The following RASSF2 variants were observed in gnomAD, a reference collection of about 807,000 sequenced individuals.
The protein encoded by RASSF2 is Ras association domain family member 2.
Under a neutral mutation model 46.3 loss-of-function variants are expected in RASSF2, and 34 were observed. The ratio of observed to expected loss-of-function variants is 0.73; its 90% CI spans 0.56 to 0.98. RASSF2 has a LOEUF of 0.98. Ranked by LOEUF, RASSF2 falls within the 50% of genes least tolerant of loss-of-function variation. The pLI is 0.00. For synonymous variants in RASSF2, 158 were observed against 162.5 expected, an observed-to-expected ratio of 0.97 and a Z score of 0.21; for missense variants, 364 against 431.2, an observed-to-expected ratio of 0.84 and a Z score of 1.38.
Position 4,801,040 on chromosome 20 carries a change from C to T in RASSF2, c.-10G>A. On this transcript the variant is annotated 5_prime_UTR_variant, in exon 3 of 12. Transcript: ENST00000379400. ...GGTGGCTGTAGTCCATTCTTCCTTT[C>T]TCTTTTCATCGGAAGGAGAGGCCTA... is the stretch of plus-strand genomic sequence containing the variant. The T allele has an allele frequency of 6.2e-7, 1 of 1,613,576 alleles. No individual in the cohort carries two copies. Among genetic ancestry groups the T allele is most frequent in the Non-Finnish European group, 8.5e-7 (1 of 1,179,444 alleles).
intron 2 of RASSF2, among the ~76,000 whole-genome samples, chr20:4,803,909 T>G (rs1927117548): frequency 6.6e-6 from 1 of 151,860 alleles, no homozygotes; most frequent in Non-Finnish European, 1.5e-5. Context: ...AAATAAAAAA[T>G]TAGCCAGATG....
At chr20:4,818,832 A>T (rs766060104) in intron 2 of RASSF2, among the ~76,000 whole-genome samples, 1 of 152,220 alleles carries the variant, frequency 6.6e-6, no homozygotes, top group African/African-American at 2.4e-5. Context: ...TAGCCAGCAA[A>T]TGGTTTTCTA....
rs761660041 is a variant in RASSF2 at position 4,792,530 on chromosome 20, C to T, written c.376+9G>A. 5 of 1,613,984 alleles carry T rather than the reference C, an allele frequency of 3.1e-6. No individual in the cohort carries two copies. The South Asian group carries it at 5.5e-5, about 18-fold the overall frequency. ...TCCCTAGCTGGAAGTACCTTCCACT[C>T]ACATGTACCTGTGGAGCTTGGCATC... On this transcript the variant is annotated intron_variant, in intron 6 of 11. Transcript: ENST00000379400.
At chr20:4,814,963 T>G (rs1450479081) in intron 2 of RASSF2, 1 of 152,186 alleles carries the variant, frequency 6.6e-6, no homozygotes, top group Non-Finnish European at 1.5e-5. Context: ...ATCAAACCTC[T>G]GTACACCCGG....
At chr20:4,810,140 A>C (rs1469280068) in intron 2 of RASSF2, among the ~76,000 whole-genome samples, 1 of 152,128 alleles carries the variant, frequency 6.6e-6, no homozygotes, top group East Asian at 1.9e-4. Context: ...ACAGCTGCCC[A>C]CTCAGGACCA....
At chr20:4,803,019 C>T (rs1429412868) in intron 2 of RASSF2, among the ~76,000 whole-genome samples, 2 of 151,604 alleles carry the variant, frequency 1.3e-5, no homozygotes, top group African/African-American at 4.9e-5. Flanking sequence ...AAGTGATCCT[C>T]CCACCTCAGC....
intron 4 of RASSF2, among the ~76,000 whole-genome samples, chr20:4,797,622 C>T (rs892683858): frequency 3.9e-5 from 6 of 152,120 alleles, no homozygotes; most frequent in Admixed American, 6.5e-5. Context: ...CAGGTCACTG[C>T]AGTGATAGGA....
chr20:4,785,834 C>G (rs184334247), intron 11 of RASSF2, among the ~76,000 whole-genome samples: 1 of 152,296 alleles, frequency 6.6e-6, no homozygotes, highest in African/African-American at 2.4e-5. Context: ...TTCAAACACC[C>G]GTCAAAGACC....
chr20:4,805,018 GCT>G (rs1231514599), intron 2 of RASSF2, among the ~76,000 whole-genome samples: 1 of 152,116 alleles, frequency 6.6e-6, no homozygotes, highest in Admixed American at 6.5e-5. Context: ...GCAACTCGGA[GCT>G]GTGCGAGATG....
intron 1 of RASSF2, among the ~76,000 whole-genome samples, chr20:4,823,102 C>A (rs1198828110): frequency 2.0e-5 from 3 of 152,154 alleles, no homozygotes; most frequent in African/African-American, 7.2e-5. Flanking sequence ...GGTCCGCGCG[C>A]CCCGGGAGCC....
chr20:4,812,791 T>C lies in RASSF2; in HGVS notation c.-33+9538A>G, dbSNP rs1317968410. On this transcript the variant is annotated intron_variant, in intron 2 of 11. Coordinates refer to ENST00000379400, the MANE Select transcript of RASSF2 (RefSeq NM_014737.3). This position sits in a 1 kb window ranked among gnomAD's most constrained non-coding sequence, Gnocchi z 4.0. ...AGAAGGTCTCAGAGGTTAGGTGGCT[T>C]GTCCCAGGTGGCACAGCCGACATGC... Among the ~76,000 whole-genome samples, 2 of 152,174 alleles carry C rather than the reference T, an allele frequency of 1.3e-5. No homozygotes were observed. The highest frequency in any genetic ancestry group is 2.9e-5 in the Non-Finnish European group (2 of 68,020).
In RASSF2 at chr20:4,781,216, G is replaced by C. The variant is rs1378967511; in HGVS notation, c.*3057C>G. On this transcript the variant is annotated 3_prime_UTR_variant, in exon 12 of 12. Coordinates refer to ENST00000379400, the MANE Select transcript of RASSF2 (RefSeq NM_014737.3). Reference sequence around the variant, plus strand: ...ACTTCTTGTTGAGACTTTTTTGCATGGAAAACAGATATTTTGGGGGGGGCA... The same window carrying C: ...ACTTCTTGTTGAGACTTTTTTGCATCGAAAACAGATATTTTGGGGGGGGCA... 1 of 114,818 alleles carries C rather than the reference G, an allele frequency of 8.7e-6. No individual in the cohort carries two copies. The highest frequency in any genetic ancestry group is 1.9e-5 in the Non-Finnish European group (1 of 52,084). 7.1% of individuals were successfully genotyped at this position (114,818 alleles called of 1,614,324 possible).
chr20:4,792,536 T>C lies in RASSF2; in HGVS notation c.376+3A>G. 6.2e-7 allele frequency: 1 copy of C among 1,614,094 alleles called. No individual in the cohort carries two copies. ...GCTGGAAGTACCTTCCACTCACATG[T>C]ACCTGTGGAGCTTGGCATCTGGTCA... On this transcript the variant is annotated splice_donor_region_variant and intron_variant, in intron 6 of 11. Coordinates refer to ENST00000379400, the MANE Select transcript of RASSF2 (RefSeq NM_014737.3).
chr20:4,804,151 G>A (rs1167563939), intron 2 of RASSF2, among the ~76,000 whole-genome samples: 1 of 151,952 alleles, frequency 6.6e-6, no homozygotes, highest in Admixed American at 6.6e-5. Flanking sequence ...GGTTACCATG[G>A]GTGATTCCAT....
chr20:4,804,681 T>C (rs1215597989), intron 2 of RASSF2, among the ~76,000 whole-genome samples: 1 of 152,216 alleles, frequency 6.6e-6, no homozygotes, highest in Non-Finnish European at 1.5e-5. Flanking sequence ...AACTAGTCAG[T>C]GTCCCTTTTT....
At chr20:4,784,881 G>C (rs1925170313) in intron 11 of RASSF2, among the ~76,000 whole-genome samples, 1 of 152,222 alleles carries the variant, frequency 6.6e-6, no homozygotes, top group South Asian at 2.1e-4. Context: ...GGCTTGGGGG[G>C]AGTTCTGTTT....
intron 2 of RASSF2, among the ~76,000 whole-genome samples, chr20:4,813,323 C>T (rs1332647642): frequency 1.3e-5 from 2 of 152,190 alleles, no homozygotes; most frequent in Non-Finnish European, 2.9e-5. Flanking sequence ...TACGAAGCCG[C>T]CACTCTTCTG....
chr20:4,814,855 T>A (rs1237153261), intron 2 of RASSF2, among the ~76,000 whole-genome samples: 1 of 151,998 alleles, frequency 6.6e-6, no homozygotes, highest in Non-Finnish European at 1.5e-5. Flanking sequence ...ATTCACAACC[T>A]CCTCTGTCTG....
Position 4,786,283 on chromosome 20 carries a change from T to C in RASSF2, c.859A>G (p.Ile287Val). 1 of 1,613,660 alleles carries C rather than the reference T, an allele frequency of 6.2e-7. No homozygotes were observed. Among genetic ancestry groups the C allele is most frequent in the Non-Finnish European group, 8.5e-7 (1 of 1,179,536 alleles). The change falls in exon 11 of 12, where the codon ATT (isoleucine) becomes GTT (valine). Residue 287 changes from isoleucine (I) to valine (V), a missense_variant. Physicochemically the swap from Ile to Val is conservative, Grantham distance 29. Coordinates refer to ENST00000379400, the MANE Select transcript of RASSF2 (RefSeq NM_014737.3). ...TCTTCTTCCTCCTGGAGCTTCTGAA[T>C]GAAGCTTTTAAGTACCGGCATCTCG... ...KFEMPVLKSF[I>V]QKLQEEEDRE... is the part of the protein sequence containing the mutation.
Sources: gnomAD v4.1 joint callset for allele counts (sites outside exome capture counted in the v4.1 genomes callset) on GRCh38, gnomAD v4.1.1 for gene constraint, Gnocchi (gnomAD v3.1) non-coding constraint, MANE v1.5 for transcripts, NCBI Gene and HGNC (gene_info 2026-07-23, HGNC 2026-07-21) for gene names.